Variants in HNRNPH1 observed in about 807,000 individuals in gnomAD.
HNRNPH1 encodes the protein heterogeneous nuclear ribonucleoprotein H.
In HNRNPH1, 4 loss-of-function variants were observed where a neutral mutation model predicts 58.6. That is an observed-to-expected ratio of 0.07 (90% CI 0.03 to 0.16). HNRNPH1 has a LOEUF of 0.16. Ranked by LOEUF, HNRNPH1 falls within the 10% of genes least tolerant of loss-of-function variation. The pLI is 1.00. For synonymous variants in HNRNPH1, 192 were observed against 189.2 expected, an observed-to-expected ratio of 1.01 and a Z score of -0.12; for missense variants, 271 against 564.2, an observed-to-expected ratio of 0.48 and a Z score of 5.26.
At chr5:179,623,662 A>C (rs1420101365) in exon 1 of HNRNPH1, 1 of 153,040 alleles carries the variant, frequency 6.5e-6, no homozygotes, top group Non-Finnish European at 1.5e-5. Flanking sequence ...TGCGTGGCTA[A>C]GACGAAATGG....
chr5:179,630,361 TAAATA>T (rs895631731), intron 2 of HNRNPH1, among the ~76,000 whole-genome samples: 25 of 149,144 alleles, frequency 1.7e-4, no homozygotes, highest in African/African-American at 5.1e-4. Flanking sequence ...AAAAAATAAA[TAAATA>T]AAAGAAAAAG....
intron 11 of HNRNPH1, 148 bp from the exon 13 acceptor site, chr5:179,615,743 T>C (rs1769222234): frequency 1.8e-6 from 1 of 541,722 alleles, no homozygotes; most frequent in Non-Finnish European, 3.3e-6. Context: ...TTTCAAATTC[T>C]CCCTCTGTCT....
At chr5:179,620,407 A>G (rs116087223) in intron 3 of HNRNPH1, among the ~76,000 whole-genome samples, 4,513 of 152,306 alleles carry the variant, frequency 0.03, 121 homozygotes, top group Non-Finnish European at 0.039. Flanking sequence ...GTAAGTTTAT[A>G]CCACACAGGT....
chr5:179,628,457 G>A (rs758328050), upstream of HNRNPH1, among the ~76,000 whole-genome samples: 16 of 152,106 alleles, frequency 1.1e-4, no homozygotes, highest in South Asian at 2.1e-4. Flanking sequence ...AGATTCAAGC[G>A]ATTCTCCTAC....
intron 8 of HNRNPH1, 65 bp from the exon 10 acceptor site, chr5:179,617,175 ATAAAGTTTT>A: frequency 6.6e-7 from 1 of 1,508,416 alleles, no homozygotes; most frequent in Non-Finnish European, 9.2e-7. Context: ...AAGCACTTTT[ATAAAGTTTT>A]TAAACAAGCA....
chr5:179,614,790 A>G (rs1193078982), exon 13 of HNRNPH1: 26 of 828,006 alleles, frequency 3.1e-5, no homozygotes, highest in African/African-American at 1.2e-4. Flanking sequence ...TAAAGAAAAA[A>G]AAAAAAAAAA....
intron 10 of HNRNPH1, 198 bp from the exon 12 acceptor site, chr5:179,616,416 A>G (rs1769699183): frequency 1.7e-6 from 1 of 591,472 alleles, no homozygotes. Context: ...TGATAAACCA[A>G]AGTGCTAACG....
chr5:179,632,268 A>G (rs938547856), intron 2 of HNRNPH1, among the ~76,000 whole-genome samples: 6 of 151,028 alleles, frequency 4.0e-5, no homozygotes, highest in Non-Finnish European at 7.4e-5. Flanking sequence ...AGATCCCGCC[A>G]CCGCACTCCA....
intron 10 of HNRNPH1, chr5:179,616,537 ACAT>A: frequency 2.0e-6 from 1 of 512,124 alleles, no homozygotes; most frequent in Non-Finnish European, 3.5e-6. Flanking sequence ...TCAGTTTGAT[ACAT>A]CAAAGGCATG....
At chr5:179,632,677 C>G (rs977672287) in intron 2 of HNRNPH1, among the ~76,000 whole-genome samples, 2 of 151,984 alleles carry the variant, frequency 1.3e-5, no homozygotes, top group Non-Finnish European at 2.9e-5. Context: ...CGCAGGCGGC[C>G]GGTTTTGAAC....
intron 3 of HNRNPH1, 44 bp from the exon 5 acceptor site, chr5:179,619,451 AC>A: frequency 6.4e-7 from 1 of 1,559,350 alleles, no homozygotes. Flanking sequence ...GGCAATATTA[AC>A]ATCACAAGCC....
chr5:179,616,356 T>G, intron 10 of HNRNPH1, 138 bp from the exon 12 acceptor site: 1 of 721,760 alleles, frequency 1.4e-6, no homozygotes, highest in Admixed American at 2.1e-5. Context: ...TTCTGCCTAC[T>G]GTCTATAACC....
At chr5:179,616,624 T>C (rs1298314047) in intron 10 of HNRNPH1, 1 of 543,408 alleles carries the variant, frequency 1.8e-6, no homozygotes, top group East Asian at 3.1e-5. Context: ...ACTTAGAAAA[T>C]TTAAGTAGTT....
intron 3 of HNRNPH1, 180 bp from the exon 5 acceptor site, chr5:179,619,587 A>G (rs940467363): frequency 2.2e-5 from 12 of 536,364 alleles, no homozygotes; most frequent in Non-Finnish European, 3.3e-5. Flanking sequence ...ATTATAAAGT[A>G]TAACTATTCT....
chr5:179,629,956 G>A (rs560119644), intron 2 of HNRNPH1, among the ~76,000 whole-genome samples: 2 of 152,152 alleles, frequency 1.3e-5, no homozygotes, highest in East Asian at 1.9e-4. Context: ...CCTGGGAGGC[G>A]GAGGTTGCAG....
intron 10 of HNRNPH1, 167 bp downstream of exon 11, chr5:179,616,702 A>G (rs952278115): frequency 3.1e-5 from 20 of 646,342 alleles, no homozygotes; most frequent in South Asian, 1.6e-4. Flanking sequence ...AAGGAACTTC[A>G]TAACTCACAA....
At chr5:179,626,869 A>G (rs28545717), upstream of HNRNPH1, among the ~76,000 whole-genome samples, 149,080 of 150,388 alleles carry the variant, frequency 0.99, 73,912 homozygotes, top group East Asian at 1. Context: ...TCCGCCTCCC[A>G]GGTTCACACC....
intron 10 of HNRNPH1, 102 bp downstream of exon 11, chr5:179,616,767 G>T: frequency 9.5e-7 from 1 of 1,047,540 alleles, no homozygotes; most frequent in Non-Finnish European, 1.4e-6. Context: ...CTTTGCCTAA[G>T]TTTCTTATGC....
intron 12 of HNRNPH1, 177 bp downstream of exon 13, chr5:179,615,369 T>C: frequency 4.0e-6 from 2 of 505,216 alleles, no homozygotes; most frequent in Non-Finnish European, 7.2e-6. Flanking sequence ...GTCTCTTGCT[T>C]TTCCTATTCA....
Sources: gnomAD v4.1 joint callset for allele counts (sites outside exome capture counted in the v4.1 genomes callset) on GRCh38, gnomAD v4.1.1 for gene constraint, MANE v1.5 for transcripts, NCBI Gene and HGNC (gene_info 2026-07-23, HGNC 2026-07-21) for gene names.